SMG1: variants seen among roughly 807,000 people sequenced by gnomAD.
SMG1 encodes SMG1 nonsense mediated mRNA decay associated PI3K related kinase.
Under a neutral mutation model 419.9 loss-of-function variants are expected in SMG1, and 22 were observed. The ratio of observed to expected loss-of-function variants is 0.05; its 90% CI spans 0.04 to 0.07. SMG1 has a LOEUF of 0.07. Among genes scored for constraint, SMG1 ranks in the 10% least tolerant of loss-of-function variants. The pLI is 1.00. For synonymous variants in SMG1, 1,538 were observed against 1,553.5 expected (o/e 0.99, Z 0.23); for missense variants, 3,185 against 4,342.0 (o/e 0.73, Z 7.49).
rs1270741759 is a variant in SMG1 at position 18,841,543 on chromosome 16, C to T, written c.6696+22G>A. On this transcript the variant is annotated intron_variant, in intron 41 of 62. Coordinates refer to ENST00000446231, the MANE Select transcript of SMG1 (RefSeq NM_015092.5). ...TAATAACAGAGAATAGACTAATACA[C>T]TGTGTAGATGATTTAATCAACCTTT... 43 of 1,598,424 alleles carry T rather than the reference C, an allele frequency of 2.7e-5. No individual in the cohort carries two copies. In the East Asian group the frequency reaches 8.3e-4, roughly 31 times the overall value.
At chr16:18,917,331 T>G (rs1410371826) in intron 1 of SMG1, among the ~76,000 whole-genome samples, 1 of 151,750 alleles carries the variant, frequency 6.6e-6, no homozygotes, top group Non-Finnish European at 1.5e-5. Flanking sequence ...TATTGTATTT[T>G]TAGTAGACAT....
intron 10 of SMG1, among the ~76,000 whole-genome samples, chr16:18,881,705 TA>T (rs1461495702): frequency 6.6e-6 from 1 of 152,154 alleles, no homozygotes; most frequent in African/African-American, 2.4e-5. Context: ...ACCTCATTTT[TA>T]ATTTGTTTAT....
chr16:18,830,976 T>C (rs1392832768), intron 51 of SMG1, among the ~76,000 whole-genome samples: 1 of 152,200 alleles, frequency 6.6e-6, no homozygotes, highest in Admixed American at 6.5e-5. Context: ...TTGAAAAATG[T>C]CAGAAATCAC....
chr16:18,872,020 T>C (rs1335507693), intron 15 of SMG1, among the ~76,000 whole-genome samples, 164 bp downstream of exon 15: 1 of 152,166 alleles, frequency 6.6e-6, no homozygotes, highest in Admixed American at 6.5e-5. Flanking sequence ...CTAGATTAAA[T>C]AATAAAACCA....
chr16:18,914,969 GT>G (rs1001470033), intron 1 of SMG1, among the ~76,000 whole-genome samples: 46 of 145,592 alleles, frequency 3.2e-4, no homozygotes, highest in African/African-American at 1.1e-3. Flanking sequence ...CTGAGACGGA[GT>G]TTTTTTTCCT....
At chr16:18,899,909 A>C in intron 1 of SMG1, 3 of 755,084 alleles carry the variant, frequency 4.0e-6, no homozygotes, top group Non-Finnish European at 6.7e-6. Flanking sequence ...GAAATGCATA[A>C]ATTTCCCCAC....
chr16:18,858,120 A>T (rs1348032488), intron 29 of SMG1, 50 bp downstream of exon 29: 2 of 1,493,870 alleles, frequency 1.3e-6, no homozygotes, highest in South Asian at 1.3e-5. Flanking sequence ...AGCAAAATTT[A>T]AAAAAAGAAC....
chr16:18,879,801 A>C lies in SMG1; in HGVS notation c.1294-82T>G, dbSNP rs1393944243. On this transcript the variant is annotated intron_variant, in intron 10 of 62. Transcript: ENST00000446231. ...AAGAAAATACTTTTTATTTAATGCA[A>C]TTTCAACTGAAAATTAACTGCTTGC... 45 of 741,188 alleles carry C rather than the reference A, an allele frequency of 6.1e-5. 1 individual carries two copies. The East Asian group carries it at 1.1e-3, about 19-fold the overall frequency. 45.9% of individuals were successfully genotyped at this position (741,188 alleles called of 1,614,324 possible). A position where few individuals can be genotyped will look rare whatever the true frequency, so the allele number is the denominator to read the frequency against.
intron 39 of SMG1, among the ~76,000 whole-genome samples, chr16:18,843,844 G>C (rs924914652): frequency 2.0e-5 from 3 of 152,154 alleles, no homozygotes; most frequent in African/African-American, 4.8e-5. Flanking sequence ...TGTGGGTGGG[G>C]AGATAAAATT....
chr16:18,818,839 CAG>C (rs1450431082), intron 56 of SMG1, among the ~76,000 whole-genome samples: 1 of 120,616 alleles, frequency 8.3e-6, no homozygotes, highest in African/African-American at 3.1e-5. Flanking sequence ...TTTTTTGAGA[CAG>C]AGTCTTGCTC....
intron 15 of SMG1, 41 bp from the exon 16 acceptor site, chr16:18,871,523 AC>A (rs750207731): frequency 3.1e-5 from 35 of 1,113,222 alleles, no homozygotes; most frequent in Non-Finnish European, 3.9e-5. Context: ...ATTAAAAAAA[AC>A]AAAAACCAAA....
intron 18 of SMG1, 47 bp from the exon 19 acceptor site, chr16:18,870,041 AG>A (rs1748850017): frequency 7.6e-7 from 1 of 1,309,814 alleles, no homozygotes; most frequent in African/African-American, 1.5e-5. Flanking sequence ...TTAGCTTAAA[AG>A]GTTAGCACAT....
intron 1 of SMG1, among the ~76,000 whole-genome samples, chr16:18,916,295 C>A (rs1160208942): frequency 6.6e-6 from 1 of 151,454 alleles, no homozygotes; most frequent in African/African-American, 2.4e-5. Flanking sequence ...GTGGGCGGAT[C>A]ACGAGGTCAG....
chr16:18,908,837 G>T (rs999847005), intron 1 of SMG1, among the ~76,000 whole-genome samples: 1 of 149,782 alleles, frequency 6.7e-6, no homozygotes, highest in Non-Finnish European at 1.5e-5. Context: ...CTGAGATCAC[G>T]CCGCTGCACT....
chr16:18,829,176 T>A (rs1185762502), intron 54 of SMG1, 110 bp downstream of exon 54: 2 of 862,256 alleles, frequency 2.3e-6, no homozygotes, highest in Non-Finnish European at 3.5e-6. Context: ...TGGGTTGCTG[T>A]GAGTTCAGGA....
At chr16:18,921,938 T>A (rs2038215512) in intron 1 of SMG1, among the ~76,000 whole-genome samples, 1 of 152,212 alleles carries the variant, frequency 6.6e-6, no homozygotes, top group South Asian at 2.1e-4. Context: ...TATAGAAAGA[T>A]CCTAAGTTTG....
rs1210226862 is a variant in SMG1 at position 18,807,115 on chromosome 16, T to G, written c.*2454A>C. 2 of 152,216 alleles carry G rather than the reference T, an allele frequency of 1.3e-5. No homozygotes were observed. The highest frequency in any genetic ancestry group is 2.9e-5 in the Non-Finnish European group (2 of 68,046). 9.4% of individuals were successfully genotyped at this position (152,216 alleles called of 1,614,324 possible). On this transcript the variant is annotated 3_prime_UTR_variant, in exon 63 of 63. Transcript: ENST00000446231. ...ACATGCTTTTGAAGTAAAGCTGTTT[T>G]TTGTTTTTGCTTGAGTAAGGTGCCA...
At chr16:18,902,023 T>C (rs1219177648) in intron 1 of SMG1, among the ~76,000 whole-genome samples, 2 of 151,410 alleles carry the variant, frequency 1.3e-5, no homozygotes, top group African/African-American at 4.9e-5. Context: ...CAGAGTCTAA[T>C]AATGTGACTT....
In SMG1 at chr16:18,808,966, C is replaced by A. The variant is rs771334114; in HGVS notation, c.*603G>T. 1.3e-5 allele frequency: 2 copies of A among 152,416 alleles called. No individual in the cohort carries two copies. Among genetic ancestry groups the A allele is most frequent in the South Asian group, 2.1e-4 (1 of 4,818 alleles). The allele number at this position is 152,416 out of a possible 1,614,324, so 9.4% of individuals were successfully genotyped here. ...TTTCCCTTCATTTCAGAAGTAAGTT[C>A]TTCTACTGTAGTGTATCTGTTACAT... is the stretch of plus-strand genomic sequence containing the variant. On this transcript the variant is annotated 3_prime_UTR_variant, in exon 63 of 63. Transcript: ENST00000446231.
Sources: gnomAD v4.1 joint callset for allele counts (sites outside exome capture counted in the v4.1 genomes callset) on GRCh38, gnomAD v4.1.1 for gene constraint, MANE v1.5 for transcripts, NCBI Gene and HGNC (gene_info 2026-07-23, HGNC 2026-07-21) for gene names.